USP34: variants seen among roughly 807,000 people sequenced by gnomAD.
The protein encoded by USP34 is ubiquitin carboxyl-terminal hydrolase 34.
Under a neutral mutation model 460.3 loss-of-function variants are expected in USP34, and 70 were observed. The observed-to-expected ratio is 0.15, with a 90% CI of 0.13 to 0.19. The LOEUF is 0.19. Among genes scored for constraint, USP34 ranks in the 10% least tolerant of loss-of-function variants. The probability of loss-of-function intolerance (pLI) is 1.00; values close to 1 mark genes in which losing one functional copy is unlikely to be tolerated. For missense variants in USP34, 3,985 were observed against 4,236.2 expected, an observed-to-expected ratio of 0.94 and a Z score of 1.65; for synonymous variants, 1,647 against 1,405.3, an observed-to-expected ratio of 1.17 and a Z score of -3.85.
At chr2:61,378,912 C>CAAAAAAAAA (rs1491197501) in intron 7 of USP34, among the ~76,000 whole-genome samples, 11 of 8,624 alleles carry the variant, frequency 1.3e-3, no homozygotes, top group African/African-American at 1.9e-3. Context: ...CTCAAAAAAA[C>CAAAAAAAAA]GAAAAAAAAA....
chr2:61,269,964 T>A (rs1035841117), intron 41 of USP34, among the ~76,000 whole-genome samples: 9 of 152,164 alleles, frequency 5.9e-5, no homozygotes, highest in Non-Finnish European at 4.4e-5. Flanking sequence ...ACAAAAAAAA[T>A]TTTTTAACAA....
chr2:61,251,437 C>T (rs896475527), intron 48 of USP34, among the ~76,000 whole-genome samples: 2 of 152,174 alleles, frequency 1.3e-5, no homozygotes, highest in Non-Finnish European at 2.9e-5. Context: ...AGGTTGTCTA[C>T]TAAAGATTAC....
At chr2:61,441,809 A>G (rs1008710731) in intron 1 of USP34, among the ~76,000 whole-genome samples, 12 of 151,374 alleles carry the variant, frequency 7.9e-5, no homozygotes, top group African/African-American at 2.2e-4. Context: ...TTACAAAAAA[A>G]AAAAAAGAAA....
At chr2:61,304,059 A>G (rs1690324437) in intron 27 of USP34, among the ~76,000 whole-genome samples, 1 of 151,954 alleles carries the variant, frequency 6.6e-6, no homozygotes, top group Non-Finnish European at 1.5e-5. Flanking sequence ...CACCAGGCCC[A>G]GCTAATTTTT....
Position 61,311,587 on chromosome 2 carries a change from G to A in USP34, c.3770C>T (p.Ala1257Val), listed in dbSNP as rs1690596376. 6.2e-7 allele frequency: 1 copy of A among 1,613,140 alleles called. No homozygotes were observed. The highest frequency in any genetic ancestry group is 2.2e-5 in the East Asian group (1 of 44,828). Residue 1257 changes from alanine (A) to valine (V), a missense_variant, in exon 27 of 80, where the codon GCT becomes GTT. Physicochemically the swap from Ala to Val is moderately conservative, Grantham distance 64. This residue lies in a region of USP34 where 1,114 missense variants were observed against 1,122.5 expected (regional missense o/e 0.99). Transcript: ENST00000398571. The part of the protein sequence containing the change: ...NLQKEQINQQ[A>V]QLQEFGQSNR... ...GCTTTGACCAAACTCCTGAAGCTGA[G>A]CTTGTTGATTTATTTGTTCTTTCTG...
In USP34 at chr2:61,265,899, C is replaced by G. The variant is rs1689031710; in HGVS notation, c.5617+85G>C. The G allele has an allele frequency of 3.2e-6, 4 of 1,246,770 alleles. No homozygotes were observed. In the East Asian group the frequency reaches 9.6e-5, roughly 30 times the overall value. The allele number at this position is 1,246,770 out of a possible 1,614,324, so 77.2% of individuals were successfully genotyped here. ...TTATAATGTTAAAGTGTGTGAAGAG[C>G]AGATTCTTTTGTTAAACAGTGCCCT... On this transcript the variant is annotated intron_variant, in intron 42 of 79. Coordinates refer to ENST00000398571, the MANE Select transcript of USP34 (RefSeq NM_014709.4).
chr2:61,231,316 G>A (rs10192565), intron 58 of USP34, among the ~76,000 whole-genome samples: 27,190 of 151,798 alleles, frequency 0.18, 3,299 homozygotes, highest in African/African-American at 0.34. Context: ...GGTGGCAAAT[G>A]TTCCAAAATT....
At chr2:61,236,941 T>C (rs1215942716) in intron 53 of USP34, among the ~76,000 whole-genome samples, 1 of 152,230 alleles carries the variant, frequency 6.6e-6, no homozygotes, top group East Asian at 1.9e-4. Context: ...TGACTATTGA[T>C]ATTACTAGCT....
At chr2:61,354,011 G>A (rs1380437130) in intron 10 of USP34, among the ~76,000 whole-genome samples, 4 of 152,088 alleles carry the variant, frequency 2.6e-5, no homozygotes, top group African/African-American at 4.8e-5. Context: ...ATAGCCTAAG[G>A]GACCTGTGGG....
intron 41 of USP34, chr2:61,277,922 T>C (rs899876890): frequency 7.7e-5 from 34 of 439,060 alleles, no homozygotes; most frequent in Non-Finnish European, 1.2e-4. Flanking sequence ...TCATTCTTTT[T>C]TTGCCTGCCG....
chr2:61,279,440 G>A (rs1462380748), intron 39 of USP34, among the ~76,000 whole-genome samples: 2 of 152,062 alleles, frequency 1.3e-5, no homozygotes, highest in Admixed American at 1.3e-4. Flanking sequence ...AAAAACGCAA[G>A]TCTTTAAGTG....
intron 33 of USP34, among the ~76,000 whole-genome samples, chr2:61,290,157 T>A (rs895673411): frequency 6.6e-6 from 1 of 152,190 alleles, no homozygotes; most frequent in African/African-American, 2.4e-5. Flanking sequence ...GAGCTAACAC[T>A]ACTATACCCA....
intron 20 of USP34, among the ~76,000 whole-genome samples, chr2:61,328,505 C>G (rs1691166290): frequency 6.6e-6 from 1 of 152,192 alleles, no homozygotes; most frequent in South Asian, 2.1e-4. Flanking sequence ...CAAATGTACA[C>G]TTGTTTTACA....
At chr2:61,341,313 A>AT (rs1558538449) in intron 16 of USP34, among the ~76,000 whole-genome samples, 2 of 152,210 alleles carry the variant, frequency 1.3e-5, no homozygotes, top group Non-Finnish European at 2.9e-5. Flanking sequence ...TAAAAACCTA[A>AT]GGCAAAAAAA....
intron 1 of USP34, among the ~76,000 whole-genome samples, chr2:61,459,060 C>T (rs963487068): frequency 1.3e-5 from 2 of 152,074 alleles, no homozygotes; most frequent in Admixed American, 1.3e-4. Flanking sequence ...ATCAAGACTC[C>T]ATCTCGGGAA....
intron 1 of USP34, among the ~76,000 whole-genome samples, chr2:61,434,551 G>GA (rs1287988254): frequency 1.3e-5 from 2 of 152,128 alleles, no homozygotes; most frequent in Non-Finnish European, 2.9e-5. Context: ...CCTGACTTGA[G>GA]AAACAGCCCA....
At position 61,280,249 on chromosome 2, in the gene USP34, T is replaced by C. The variant is rs779249900; in HGVS notation, c.5251A>G (p.Ser1751Gly). 1.3e-6 allele frequency: 2 copies of C among 1,535,324 alleles called. No homozygotes were observed. Among genetic ancestry groups the C allele is most frequent in the South Asian group, 2.5e-5 (2 of 79,060 alleles). ...ATATAATTTTCTGAACATACCTGACTAGCGTCCTTTATATGTATGTTGTCA... is the reference window on the plus strand; with the variant it reads ...ATATAATTTTCTGAACATACCTGACCAGCGTCCTTTATATGTATGTTGTCA... The part of the protein sequence containing the change: ...LVDNIHIKDA[S>G]QTTLLDLDAL... The change falls in exon 39 of 80, where the codon AGT becomes GGT. Residue 1751 changes from serine to glycine, a missense_variant. Ser to Gly is a moderately conservative substitution (Grantham distance 56). Coordinates refer to ENST00000398571, the MANE Select transcript of USP34 (RefSeq NM_014709.4).
intron 41 of USP34, chr2:61,277,849 A>G (rs1005261456): frequency 9.0e-5 from 22 of 245,322 alleles, no homozygotes; most frequent in Admixed American, 1.6e-4. Context: ...TGTTCTTGTG[A>G]TAAGTGAATA....
In USP34 at chr2:61,402,786, A is replaced by G. The variant is rs115101048; in HGVS notation, c.552+2922T>C. Among the ~76,000 whole-genome samples the G allele has an allele frequency of 7.0e-3, 1,073 of 152,298 alleles. 9 individuals are homozygous for G. The highest frequency in any genetic ancestry group is 0.01 in the Non-Finnish European group (690 of 68,030). On this transcript the variant is annotated intron_variant, in intron 3 of 79. Coordinates refer to ENST00000398571, the MANE Select transcript of USP34 (RefSeq NM_014709.4). The stretch of plus-strand genomic sequence containing the variant: ...TTCCTCAAAGAAAAGTGGGATAAAA[A>G]TCTCTAGTAAGCTGTATTACATTTC...
Sources: allele counts gnomAD v4.1 joint callset (sites outside exome capture counted in the v4.1 genomes callset), GRCh38; gene constraint gnomAD v4.1.1; regional missense constraint gnomAD v4.1.1; transcripts MANE v1.5; gene names NCBI Gene and HGNC (gene_info 2026-07-23, HGNC 2026-07-21).